GRM7: variants seen among roughly 807,000 people sequenced by gnomAD.
GRM7 encodes glutamate metabotropic receptor 7, also known as metabotropic glutamate receptor 7.
A neutral mutation model predicts 84.5 loss-of-function variants in GRM7; 35 were observed. The ratio of observed to expected loss-of-function variants is 0.41; its 90% CI spans 0.32 to 0.55. GRM7 has a LOEUF of 0.55. Among genes scored for constraint, GRM7 ranks in the 20% least tolerant of loss-of-function variants. The pLI is 0.19. For synonymous variants in GRM7, 487 were observed against 455.1 expected, an observed-to-expected ratio of 1.07 and a Z score of -0.89; for missense variants, 1,003 against 1,194.6, an observed-to-expected ratio of 0.84 and a Z score of 2.36.
intron 4 of GRM7, among the ~76,000 whole-genome samples, chr3:7,410,678 ACG>A: frequency 6.6e-6 from 1 of 151,764 alleles, no homozygotes; most frequent in South Asian, 2.1e-4. Flanking sequence ...ACACACACAC[ACG>A]CACATTTTGT....
At chr3:7,068,326 T>C (rs1490365382) in intron 1 of GRM7, among the ~76,000 whole-genome samples, 8 of 152,034 alleles carry the variant, frequency 5.3e-5, no homozygotes, top group Non-Finnish European at 1.2e-4. Context: ...TATTTATAAA[T>C]AGGGTAATGA....
intron 8 of GRM7, among the ~76,000 whole-genome samples, chr3:7,668,209 A>C (rs898923068): frequency 1.3e-5 from 2 of 152,126 alleles, no homozygotes; most frequent in African/African-American, 4.8e-5. Flanking sequence ...GTGCCCTGGG[A>C]GCCTCAGGCT....
In GRM7 at chr3:7,395,066, G is replaced by T. The variant is rs1038710192; in HGVS notation, c.1034-19957G>T. On this transcript the variant is annotated intron_variant, in intron 4 of 9. Coordinates refer to ENST00000357716, the MANE Select transcript of GRM7 (RefSeq NM_000844.4). ...AAAAAAAAAAAAAAAAGTTATAAGC[G>T]TATCTTATAACTTACAAATTATAGC... Among the ~76,000 whole-genome samples, 7 of 150,812 alleles carry T rather than the reference G, an allele frequency of 4.6e-5. No homozygotes were observed. In the South Asian group the frequency reaches 1.3e-3, roughly 27 times the overall value.
At chr3:7,134,360 A>G (rs778106458) in intron 1 of GRM7, among the ~76,000 whole-genome samples, 7 of 152,064 alleles carry the variant, frequency 4.6e-5, no homozygotes, top group Non-Finnish European at 7.4e-5. Context: ...TGAGCCTAAT[A>G]TTTTCAAAAT....
chr3:7,312,935 TC>T (rs141721737), intron 4 of GRM7, among the ~76,000 whole-genome samples: 2 of 112,936 alleles, frequency 1.8e-5, no homozygotes, highest in Admixed American at 8.5e-5. Flanking sequence ...TTTCTTTTTT[TC>T]TTTTTTTTTT....
chr3:7,509,503 A>G (rs1559369711), intron 7 of GRM7, among the ~76,000 whole-genome samples: 1 of 152,202 alleles, frequency 6.6e-6, no homozygotes, highest in Non-Finnish European at 1.5e-5. Context: ...TATTGTATGT[A>G]TGTATACATC....
intron 4 of GRM7, among the ~76,000 whole-genome samples, chr3:7,380,467 A>G (rs181947788): frequency 6.6e-6 from 1 of 152,304 alleles, no homozygotes; most frequent in Non-Finnish European, 1.5e-5. Context: ...CCTGAGGGAG[A>G]GTGAATGAGT....
At chr3:7,168,399 G>T (rs1456961085) in intron 2 of GRM7, among the ~76,000 whole-genome samples, 1 of 152,102 alleles carries the variant, frequency 6.6e-6, no homozygotes, top group East Asian at 1.9e-4. Context: ...TTTAGATGAG[G>T]TCATGAAGGT....
chr3:7,435,653 C>G (rs1466773296), intron 5 of GRM7, among the ~76,000 whole-genome samples: 1 of 148,142 alleles, frequency 6.8e-6, no homozygotes, highest in Non-Finnish European at 1.5e-5. Context: ...GCTAGGATTA[C>G]AGGCCCTTGC....
At chr3:7,516,716 G>A (rs181933140) in intron 7 of GRM7, among the ~76,000 whole-genome samples, 2 of 152,064 alleles carry the variant, frequency 1.3e-5, no homozygotes, top group Non-Finnish European at 2.9e-5. Flanking sequence ...TCCAAATAGG[G>A]ATGTGGACCA....
chr3:7,344,995 C>T (rs1023553463), intron 4 of GRM7, among the ~76,000 whole-genome samples: 5 of 152,136 alleles, frequency 3.3e-5, no homozygotes, highest in Non-Finnish European at 5.9e-5. Context: ...GATCATTACA[C>T]ATTATACACA....
intron 4 of GRM7, among the ~76,000 whole-genome samples, chr3:7,383,522 A>G (rs1694669884): frequency 6.6e-6 from 1 of 152,220 alleles, no homozygotes; most frequent in African/African-American, 2.4e-5. Context: ...GTTTATATAC[A>G]TACTTCTCTA....
chr3:7,693,558 C>T, intron 9 of GRM7: 1 of 915,484 alleles, frequency 1.1e-6, no homozygotes, highest in Non-Finnish European at 1.7e-6. Context: ...GTCATGTTTG[C>T]AAATTTCATT....
chr3:7,180,705 C>T (rs903794586), intron 2 of GRM7, among the ~76,000 whole-genome samples: 2 of 152,160 alleles, frequency 1.3e-5, no homozygotes, highest in Non-Finnish European at 2.9e-5. Flanking sequence ...CATCTTTCCT[C>T]TCTCTTAAGT....
chr3:7,412,113 A>T (rs556044842), intron 4 of GRM7, among the ~76,000 whole-genome samples: 2 of 151,448 alleles, frequency 1.3e-5, no homozygotes, highest in South Asian at 4.2e-4. Context: ...TGATTCTGTT[A>T]GTGTCATATG....
At chr3:6,956,421 T>C in intron 1 of GRM7, 1 of 391,546 alleles carries the variant, frequency 2.6e-6, no homozygotes, top group Non-Finnish European at 5.0e-6. Flanking sequence ...GCCCTGCTCC[T>C]CTCAGACCTT....
intron 2 of GRM7, among the ~76,000 whole-genome samples, chr3:7,251,470 C>G (rs1406876922): frequency 6.6e-6 from 1 of 152,006 alleles, no homozygotes; most frequent in Admixed American, 6.5e-5. Flanking sequence ...CATAAAAATA[C>G]AAAATGCCAT....
chr3:7,217,474 T>G (rs1257956897), intron 2 of GRM7, among the ~76,000 whole-genome samples: 1 of 152,076 alleles, frequency 6.6e-6, no homozygotes, highest in African/African-American at 2.4e-5. Context: ...GGAAAAAAAA[T>G]TACCAAGGCT....
chr3:7,250,708 G>C (rs1178922087), intron 2 of GRM7, among the ~76,000 whole-genome samples: 1 of 152,058 alleles, frequency 6.6e-6, no homozygotes, highest in Non-Finnish European at 1.5e-5. Flanking sequence ...ATTTTTAGTA[G>C]AGACGGGGCT....
Sources: gnomAD v4.1 joint callset for allele counts (sites outside exome capture counted in the v4.1 genomes callset) on GRCh38, gnomAD v4.1.1 for gene constraint, MANE v1.5 for transcripts, NCBI Gene and HGNC (gene_info 2026-07-23, HGNC 2026-07-21) for gene names.